Variants in NALF1 observed in about 807,000 individuals in gnomAD.
The protein encoded by NALF1 is NALCN channel auxiliary factor 1.
In NALF1, 3 loss-of-function variants were observed where a neutral mutation model predicts 48.4. The observed-to-expected ratio is 0.06, with a 90% CI of 0.03 to 0.16. The LOEUF (loss-of-function observed/expected upper bound fraction) is 0.16. Among genes scored for constraint, NALF1 ranks in the 10% least tolerant of loss-of-function variants. The pLI, the probability that NALF1 is intolerant of heterozygous loss-of-function variation, is 1.00. For missense variants in NALF1, 526 were observed against 571.5 expected, an observed-to-expected ratio of 0.92 and a Z score of 0.81; for synonymous variants, 262 against 245.7, an observed-to-expected ratio of 1.07 and a Z score of -0.62.
At chr13:107,461,567 A>G (rs1884919053) in intron 1 of NALF1, among the ~76,000 whole-genome samples, 2 of 152,218 alleles carry the variant, frequency 1.3e-5, no homozygotes, top group African/African-American at 4.8e-5. Flanking sequence ...ATGAAAAATC[A>G]TATTCTTTTC....
chr13:107,735,726 T>C (rs1412848183), intron 1 of NALF1, among the ~76,000 whole-genome samples: 1 of 152,240 alleles, frequency 6.6e-6, no homozygotes. Flanking sequence ...TCTTATAGAT[T>C]TGAATTTACA....
intron 1 of NALF1, among the ~76,000 whole-genome samples, chr13:107,700,331 G>C (rs1881789918): frequency 6.6e-6 from 1 of 151,980 alleles, no homozygotes; most frequent in Admixed American, 6.6e-5. Flanking sequence ...ACAGAACAGA[G>C]AGTCCAGAAA....
chr13:107,667,553 T>A (rs1023311422), intron 1 of NALF1, among the ~76,000 whole-genome samples: 11 of 152,102 alleles, frequency 7.2e-5, no homozygotes, highest in Non-Finnish European at 1.6e-4. Flanking sequence ...TCAAACTAAA[T>A]GATTTCTAAG....
rs148908591 is a variant in NALF1 at position 107,259,835 on chromosome 13, T to G, written c.916-49080A>C. ...TTGAAAGCGAACAATACTCCTCATC[T>G]TCAAGAGGTTTGAAAGTATCATTTA... On this transcript the variant is annotated intron_variant, in intron 1 of 2. Coordinates refer to ENST00000375915, the MANE Select transcript of NALF1 (RefSeq NM_001080396.3). Among the ~76,000 whole-genome samples the G allele has an allele frequency of 4.8e-3, 731 of 152,296 alleles. 4 individuals carry two copies. The highest frequency in any genetic ancestry group is 4.9e-3 in the Non-Finnish European group (335 of 68,016).
intron 1 of NALF1, among the ~76,000 whole-genome samples, chr13:107,797,409 C>CGTGA (rs1208115673): frequency 2.0e-5 from 3 of 152,050 alleles, no homozygotes; most frequent in Non-Finnish European, 2.9e-5. Context: ...GGGGGTTTCA[C>CGTGA]CGTGTTGGCC....
chr13:107,174,779 G>A (rs934968306), intron 2 of NALF1, among the ~76,000 whole-genome samples: 1 of 152,118 alleles, frequency 6.6e-6, no homozygotes, highest in Non-Finnish European at 1.5e-5. Flanking sequence ...GTGGCTGGGG[G>A]AGTCTCAGCT....
intron 1 of NALF1, among the ~76,000 whole-genome samples, chr13:107,839,663 G>A (rs1879992845): frequency 6.7e-6 from 1 of 148,398 alleles, no homozygotes; most frequent in African/African-American, 2.5e-5. Context: ...TTAGAGTGGG[G>A]AAAATGTGGT....
intron 1 of NALF1, among the ~76,000 whole-genome samples, chr13:107,751,123 C>T (rs1876926556): frequency 6.6e-6 from 1 of 152,332 alleles, no homozygotes; most frequent in African/African-American, 2.4e-5. Flanking sequence ...GGAAAAGCTG[C>T]TTTTCCAGAA....
At chr13:107,343,173 A>G (rs1401307657) in intron 1 of NALF1, among the ~76,000 whole-genome samples, 1 of 152,234 alleles carries the variant, frequency 6.6e-6, no homozygotes, top group African/African-American at 2.4e-5. Flanking sequence ...AATCATACCA[A>G]TTATCTTTTC....
At chr13:107,255,591 C>T (rs553814803) in intron 1 of NALF1, among the ~76,000 whole-genome samples, 3 of 152,198 alleles carry the variant, frequency 2.0e-5, no homozygotes, top group South Asian at 2.1e-4. Flanking sequence ...TTGATATAAA[C>T]GAATGGAGAG....
chr13:107,329,072 A>C (rs1228341565), intron 1 of NALF1, among the ~76,000 whole-genome samples: 2 of 152,216 alleles, frequency 1.3e-5, no homozygotes, highest in Non-Finnish European at 2.9e-5. Context: ...GCAACATCTT[A>C]GATTATATCA....
intron 1 of NALF1, among the ~76,000 whole-genome samples, chr13:107,530,398 T>A (rs905000176): frequency 1.1e-4 from 16 of 152,178 alleles, no homozygotes; most frequent in African/African-American, 3.9e-4. Flanking sequence ...CCCAGAGCCA[T>A]GAAAACATCA....
At chr13:107,354,921 G>A (rs1389887985) in intron 1 of NALF1, among the ~76,000 whole-genome samples, 1 of 152,192 alleles carries the variant, frequency 6.6e-6, no homozygotes, top group Non-Finnish European at 1.5e-5. Flanking sequence ...ACATGAGAAT[G>A]AGAACGTGAT....
intron 1 of NALF1, among the ~76,000 whole-genome samples, chr13:107,370,014 C>T (rs184509147): frequency 5.3e-5 from 8 of 152,132 alleles, no homozygotes; most frequent in Non-Finnish European, 8.8e-5. Context: ...GAGAAAAACT[C>T]GTCATGGAAA....
At chr13:107,380,594 G>T (rs1301550220) in intron 1 of NALF1, among the ~76,000 whole-genome samples, 1 of 152,132 alleles carries the variant, frequency 6.6e-6, no homozygotes, top group African/African-American at 2.4e-5. Flanking sequence ...TCTTGAGAAG[G>T]TATATTCCAG....
intron 2 of NALF1, among the ~76,000 whole-genome samples, chr13:107,194,794 GAGA>G (rs1369575607): frequency 6.6e-6 from 1 of 152,126 alleles, no homozygotes; most frequent in Non-Finnish European, 1.5e-5. Context: ...CACAGAATGG[GAGA>G]AGATCTTCAC....
chr13:107,485,742 C>A (rs1217926767), intron 1 of NALF1, among the ~76,000 whole-genome samples: 1 of 152,126 alleles, frequency 6.6e-6, no homozygotes, highest in Non-Finnish European at 1.5e-5. Context: ...CTTCTTTAAG[C>A]AATTTTGCAC....
intron 1 of NALF1, among the ~76,000 whole-genome samples, chr13:107,413,314 T>C (rs369992575): frequency 6.6e-6 from 1 of 152,148 alleles, no homozygotes; most frequent in Non-Finnish European, 1.5e-5. Context: ...GCATGCTATC[T>C]GCTATAATAA....
chr13:107,592,837 A>G (rs1440314351), intron 1 of NALF1, among the ~76,000 whole-genome samples: 1 of 151,898 alleles, frequency 6.6e-6, no homozygotes, highest in Non-Finnish European at 1.5e-5. Context: ...ATACATAAAA[A>G]TGAAATCCTC....
Sources: allele counts gnomAD v4.1 joint callset (sites outside exome capture counted in the v4.1 genomes callset), GRCh38; gene constraint gnomAD v4.1.1; transcripts MANE v1.5; gene names NCBI Gene and HGNC (gene_info 2026-07-23, HGNC 2026-07-21).